Variants in ASTN2 observed in about 807,000 individuals in gnomAD.
The protein encoded by ASTN2 is astrotactin 2, also known as astrotactin-2.
ASTN2 carries 54 observed loss-of-function variants against 139.8 expected under a neutral mutation model. That is an observed-to-expected ratio of 0.39 (90% CI 0.31 to 0.48). The LOEUF (loss-of-function observed/expected upper bound fraction) is 0.48, where lower values mean the gene tolerates loss of function less well. Among genes scored for constraint, ASTN2 ranks in the 20% least tolerant of loss-of-function variants. The pLI is 0.95. For synonymous variants in ASTN2, 756 were observed against 719.5 expected (o/e 1.05, Z -0.81); for missense variants, 1,565 against 1,725.1 (o/e 0.91, Z 1.64).
intron 4 of ASTN2, among the ~76,000 whole-genome samples, chr9:117,135,490 A>G (rs35251835): frequency 0.2 from 30,705 of 152,144 alleles, 3,497 homozygotes; most frequent in Middle Eastern, 0.33. Context: ...CCATCCATTC[A>G]TTAATTTATT....
intron 19 of ASTN2, among the ~76,000 whole-genome samples, chr9:116,506,698 C>A (rs1850125670): frequency 6.6e-6 from 1 of 152,166 alleles, no homozygotes; most frequent in Non-Finnish European, 1.5e-5. Flanking sequence ...AAAAGTCAGG[C>A]AGGAGAAGTC....
At chr9:116,632,158 C>CAGAGAGACAG (rs1856786259) in intron 17 of ASTN2, among the ~76,000 whole-genome samples, 1 of 38,086 alleles carries the variant, frequency 2.6e-5, no homozygotes, top group South Asian at 1.3e-3. Context: ...GAGAGAGAGA[C>CAGAGAGACAG]AGAGAGAGAG....
intron 10 of ASTN2, among the ~76,000 whole-genome samples, chr9:116,886,179 C>T (rs1289286817): frequency 6.6e-6 from 1 of 152,188 alleles, no homozygotes; most frequent in Non-Finnish European, 1.5e-5. Context: ...TATTATCTGT[C>T]CACAGGTCTG....
At chr9:116,499,235 C>A (rs999814621) in intron 19 of ASTN2, among the ~76,000 whole-genome samples, 1 of 152,044 alleles carries the variant, frequency 6.6e-6, no homozygotes, top group Non-Finnish European at 1.5e-5. Flanking sequence ...GTTTAGAAGC[C>A]TTGTCCATGT....
At chr9:117,185,594 C>A (rs1388943849) in intron 3 of ASTN2, among the ~76,000 whole-genome samples, 1 of 152,142 alleles carries the variant, frequency 6.6e-6, no homozygotes, top group East Asian at 1.9e-4. Context: ...GGTGACGTCT[C>A]CTGGTGTGGG....
chr9:116,732,344 C>T (rs938341679), intron 14 of ASTN2, among the ~76,000 whole-genome samples: 1 of 152,162 alleles, frequency 6.6e-6, no homozygotes, highest in Non-Finnish European at 1.5e-5. Context: ...TGGGTTCTCT[C>T]CTCCATCTAT....
chr9:116,783,725 A>G (rs1830284759), intron 13 of ASTN2, among the ~76,000 whole-genome samples: 1 of 152,142 alleles, frequency 6.6e-6, no homozygotes, highest in Non-Finnish European at 1.5e-5. Flanking sequence ...TACTGCCTAA[A>G]CTGTGTAGAA....
intron 2 of ASTN2, among the ~76,000 whole-genome samples, chr9:117,248,173 G>A (rs1833437144): frequency 6.6e-6 from 1 of 152,188 alleles, no homozygotes; most frequent in Non-Finnish European, 1.5e-5. Context: ...CTATAGACAG[G>A]AGGAAGGGTA....
intron 5 of ASTN2, among the ~76,000 whole-genome samples, chr9:117,084,800 T>G (rs1288019140): frequency 6.6e-6 from 1 of 152,238 alleles, no homozygotes; most frequent in Non-Finnish European, 1.5e-5. Flanking sequence ...TGGTTCTCGA[T>G]GCTGGCTAAT....
intron 19 of ASTN2, among the ~76,000 whole-genome samples, chr9:116,563,151 G>A (rs1035930065): frequency 7.2e-5 from 11 of 151,960 alleles, no homozygotes; most frequent in East Asian, 1.9e-4. Flanking sequence ...CGAGGTGGGC[G>A]GATCATAAGG....
At chr9:116,490,574 T>C (rs1257282279) in intron 19 of ASTN2, among the ~76,000 whole-genome samples, 2 of 152,136 alleles carry the variant, frequency 1.3e-5, no homozygotes, top group African/African-American at 2.4e-5. Flanking sequence ...AGAAAAGGGA[T>C]TTAATTGACT....
chr9:116,533,331 T>C (rs1851449931), intron 19 of ASTN2, among the ~76,000 whole-genome samples: 1 of 152,166 alleles, frequency 6.6e-6, no homozygotes, highest in South Asian at 2.1e-4. Flanking sequence ...CTTCCTCTTT[T>C]CCTAATTGAA....
At chr9:116,437,353 A>G (rs546870035) in intron 22 of ASTN2, 2 of 471,372 alleles carry the variant, frequency 4.2e-6, no homozygotes, top group South Asian at 1.5e-5. Flanking sequence ...TCCTGCTGAC[A>G]TATCAGTGTG....
chr9:116,788,407 T>G (rs916822186), intron 13 of ASTN2, among the ~76,000 whole-genome samples: 2 of 152,224 alleles, frequency 1.3e-5, no homozygotes, highest in Non-Finnish European at 2.9e-5. Context: ...TGAGCACATA[T>G]GTCAAAACAT....
chr9:116,912,063 G>A (rs955710617), intron 10 of ASTN2, among the ~76,000 whole-genome samples: 3 of 152,232 alleles, frequency 2.0e-5, no homozygotes, highest in Non-Finnish European at 1.5e-5. Context: ...TCTGTGATGG[G>A]TCAGGGCACT....
intron 10 of ASTN2, among the ~76,000 whole-genome samples, chr9:116,946,184 G>A (rs1835389349): frequency 6.6e-6 from 1 of 152,092 alleles, no homozygotes; most frequent in Non-Finnish European, 1.5e-5. Context: ...GATGAGATTT[G>A]GGTGAGGACA....
At position 117,275,078 on chromosome 9, in the gene ASTN2, C is replaced by G. The variant is rs191198413; in HGVS notation, c.630+16248G>C. Among the ~76,000 whole-genome samples, 3 of 152,292 alleles carry G rather than the reference C, an allele frequency of 2.0e-5. No individual in the cohort carries two copies. The East Asian group carries it at 5.8e-4, about 29-fold the overall frequency. On this transcript the variant is annotated intron_variant, in intron 2 of 22. Coordinates refer to ENST00000313400, the MANE Select transcript of ASTN2 (RefSeq NM_001365068.1). ...TGAATAATCATTAACCACCAAAGTT[C>G]TTGCCATTGTATATCAAAGACTGCC...
chr9:117,097,769 G>T (rs1164865441), intron 4 of ASTN2, among the ~76,000 whole-genome samples: 2 of 152,146 alleles, frequency 1.3e-5, no homozygotes, highest in African/African-American at 4.8e-5. Context: ...TGCACGAAAG[G>T]ATTTATTATG....
rs1564267261 is a variant in ASTN2, at chr9:116,425,602, G to A, written c.*249C>T. On this transcript the variant is annotated 3_prime_UTR_variant, in exon 23 of 23. Coordinates refer to ENST00000313400, the MANE Select transcript of ASTN2 (RefSeq NM_001365068.1). Reference sequence around the variant, plus strand: ...CATAAGAAAAGGTTTAAAAAGGAGAGACTTTTGATAGAGTCAAATAATATC... The same window carrying A: ...CATAAGAAAAGGTTTAAAAAGGAGAAACTTTTGATAGAGTCAAATAATATC... 1 of 1,613,046 alleles carries A rather than the reference G, an allele frequency of 6.2e-7. No homozygotes were observed. Among genetic ancestry groups the A allele is most frequent in the Admixed American group, 1.7e-5 (1 of 59,710 alleles).
Sources: allele counts gnomAD v4.1 joint callset (sites outside exome capture counted in the v4.1 genomes callset), GRCh38; gene constraint gnomAD v4.1.1; transcripts MANE v1.5; gene names NCBI Gene and HGNC (gene_info 2026-07-23, HGNC 2026-07-21).